Variants in PDE10A observed in about 807,000 individuals in gnomAD.
PDE10A encodes the protein cAMP and cAMP-inhibited cGMP 3',5'-cyclic phosphodiesterase 10A.
In PDE10A, 39 loss-of-function variants were observed where a neutral mutation model predicts 97.7. The ratio of observed to expected loss-of-function variants is 0.40; its 90% CI spans 0.31 to 0.52. The LOEUF is 0.52. Among genes scored for constraint, PDE10A ranks in the 20% least tolerant of loss-of-function variants. The probability of loss-of-function intolerance (pLI) is 0.56; values close to 1 mark genes in which losing one functional copy is unlikely to be tolerated. For synonymous variants in PDE10A, 371 were observed against 376.8 expected (o/e 0.98, Z 0.18); for missense variants, 731 against 1,047.8 (o/e 0.70, Z 4.17).
Position 165,881,906 on chromosome 6 carries a change from G to T in PDE10A, c.-615+105623C>A, listed in dbSNP as rs186289593. Among the ~76,000 whole-genome samples the T allele has an allele frequency of 5.9e-3, 901 of 152,238 alleles. 2 individuals are homozygous for T. Among genetic ancestry groups the T allele is most frequent in the Admixed American group, 0.01 (156 of 15,296 alleles). ...AGTCACTTGAAAAAACATTGCCCGT[G>T]ACATTATTTGTACCTTATGCAAAGT... On this transcript the variant is annotated intron_variant, in intron 1 of 19. Transcript: ENST00000366882.
At chr6:165,553,273 A>C (rs1784102940) in intron 1 of PDE10A, among the ~76,000 whole-genome samples, 1 of 152,072 alleles carries the variant, frequency 6.6e-6, no homozygotes, top group Non-Finnish European at 1.5e-5. Flanking sequence ...ATTTATATGG[A>C]AATGAATGGA....
At chr6:165,746,516 C>T (rs971398019) in intron 1 of PDE10A, among the ~76,000 whole-genome samples, 1 of 152,190 alleles carries the variant, frequency 6.6e-6, no homozygotes, top group Non-Finnish European at 1.5e-5. Flanking sequence ...AGGGCTTTTC[C>T]CAGAGATACA....
chr6:165,472,265 T>G (rs900934441), intron 3 of PDE10A, among the ~76,000 whole-genome samples: 1 of 152,106 alleles, frequency 6.6e-6, no homozygotes, highest in East Asian at 1.9e-4. Flanking sequence ...GCAATTACAT[T>G]AGTATATAGT....
chr6:165,619,459 GTAGT>G (rs1562634960), intron 1 of PDE10A, among the ~76,000 whole-genome samples: 3 of 17,488 alleles, frequency 1.7e-4, no homozygotes, highest in South Asian at 2.5e-3. Context: ...CTAGTGTAGT[GTAGT>G]CTAGTGTAGT....
upstream of PDE10A, among the ~76,000 whole-genome samples, chr6:165,666,677 A>G (rs1170167714): frequency 6.6e-6 from 1 of 151,654 alleles, no homozygotes; most frequent in Non-Finnish European, 1.5e-5. Flanking sequence ...CCTCACTACA[A>G]GTCTTTAGTT....
chr6:165,783,885 G>A (rs1181514883), intron 1 of PDE10A, among the ~76,000 whole-genome samples: 1 of 152,114 alleles, frequency 6.6e-6, no homozygotes, highest in East Asian at 1.9e-4. Flanking sequence ...AGAAATAAAT[G>A]GACTGGTGTT....
intron 18 of PDE10A, among the ~76,000 whole-genome samples, chr6:165,354,126 C>G (rs1240582476): frequency 6.6e-6 from 1 of 152,112 alleles, no homozygotes; most frequent in African/African-American, 2.4e-5. Flanking sequence ...TCAGAAATAA[C>G]AGCTAAGTTC....
chr6:165,412,706 G>T (rs1050889683), intron 13 of PDE10A, among the ~76,000 whole-genome samples: 1 of 152,076 alleles, frequency 6.6e-6, no homozygotes, highest in Non-Finnish European at 1.5e-5. Context: ...CTTGTCCTAT[G>T]AGTTACACGG....
chr6:165,733,922 G>T (rs1405717114), intron 1 of PDE10A, among the ~76,000 whole-genome samples: 8 of 151,984 alleles, frequency 5.3e-5, no homozygotes, highest in Non-Finnish European at 1.2e-4. Flanking sequence ...TCTAGTTATG[G>T]TTACACCTAG....
intron 1 of PDE10A, among the ~76,000 whole-genome samples, chr6:165,752,859 T>C (rs1793038917): frequency 6.6e-6 from 1 of 152,082 alleles, no homozygotes; most frequent in Non-Finnish European, 1.5e-5. Flanking sequence ...AACATGGAGG[T>C]AAGGAAGTCA....
intron 1 of PDE10A, among the ~76,000 whole-genome samples, chr6:165,945,270 G>C (rs1344356912): frequency 2.0e-5 from 3 of 152,168 alleles, no homozygotes; most frequent in Non-Finnish European, 4.4e-5. Context: ...TAAAACTTCA[G>C]ATGATATAAC....
intron 1 of PDE10A, among the ~76,000 whole-genome samples, chr6:165,758,686 G>A (rs1208662309): frequency 6.6e-6 from 1 of 151,078 alleles, no homozygotes; most frequent in Admixed American, 6.6e-5. Context: ...GAAGAAAGAA[G>A]GAGAAGGAAG....
intron 2 of PDE10A, among the ~76,000 whole-genome samples, chr6:165,541,703 G>A (rs1269007600): frequency 6.6e-6 from 1 of 152,112 alleles, no homozygotes; most frequent in Admixed American, 6.6e-5. Flanking sequence ...AATGTTTGAG[G>A]CTTATAAAAA....
intron 3 of PDE10A, among the ~76,000 whole-genome samples, chr6:165,463,637 G>A (rs933086828): frequency 5.9e-5 from 9 of 152,016 alleles, no homozygotes; most frequent in Non-Finnish European, 1.2e-4. Flanking sequence ...TGCTTTTATC[G>A]ATTTGCAAAT....
intron 2 of PDE10A, among the ~76,000 whole-genome samples, chr6:165,522,496 C>T (rs1782186473): frequency 6.6e-6 from 1 of 151,852 alleles, no homozygotes; most frequent in African/African-American, 2.4e-5. Flanking sequence ...ACATAAAAGA[C>T]CACATAAAAA....
chr6:165,579,317 TAGTC>T (rs1238368262), intron 1 of PDE10A, among the ~76,000 whole-genome samples: 1 of 152,190 alleles, frequency 6.6e-6, no homozygotes, highest in Non-Finnish European at 1.5e-5. Flanking sequence ...GAATGCCCAT[TAGTC>T]AGTCCCACTG....
At chr6:165,379,088 C>A in intron 18 of PDE10A, 106 bp downstream of exon 18, 10 of 692,560 alleles carry the variant, frequency 1.4e-5, no homozygotes, top group South Asian at 8.4e-5. Flanking sequence ...AAATTTTTTA[C>A]ATTCCTTCTT....
chr6:165,673,838 T>G (rs2128437216), intron 1 of PDE10A, among the ~76,000 whole-genome samples: 1 of 152,358 alleles, frequency 6.6e-6, no homozygotes. Context: ...AATTTCAGTT[T>G]TAATATTCTC....
chr6:165,977,930 T>C lies in PDE10A; in HGVS notation c.-615+9599A>G, dbSNP rs529316081. Among the ~76,000 whole-genome samples the C allele has an allele frequency of 1.5e-4, 23 of 152,326 alleles. No homozygotes were observed. The South Asian group carries it at 4.1e-3, about 27-fold the overall frequency. On this transcript the variant is annotated intron_variant, in intron 1 of 19. Transcript: ENST00000366882. The stretch of plus-strand genomic sequence containing the variant: ...TTAGCACTTAAAAAGAGCAAGCTAC[T>C]GCAACAATGAAGCTGAATCCCACAG...
Sources: allele counts gnomAD v4.1 joint callset (sites outside exome capture counted in the v4.1 genomes callset), GRCh38; gene constraint gnomAD v4.1.1; transcripts MANE v1.5; gene names NCBI Gene and HGNC (gene_info 2026-07-23, HGNC 2026-07-21).